BRWD3: variants seen among roughly 807,000 people sequenced by gnomAD.
The protein encoded by BRWD3 is bromodomain and WD repeat domain containing 3.
In BRWD3, 10 loss-of-function variants were observed where a neutral mutation model predicts 149.7. The observed-to-expected ratio is 0.07, with a 90% CI of 0.04 to 0.11. The LOEUF is 0.11. Ranked by LOEUF, BRWD3 falls within the 10% of genes least tolerant of loss-of-function variation. BRWD3 has a pLI of 1.00. For synonymous variants in BRWD3, 504 were observed against 456.7 expected (o/e 1.10, Z -1.32); for missense variants, 940 against 1,373.2 (o/e 0.68, Z 4.99).
chrX:80,699,880 AG>A (rs2072756834), intron 25 of BRWD3, 76 bp downstream of exon 25: 3 of 699,883 alleles, frequency 4.3e-6, no homozygotes, highest in East Asian at 3.5e-5. Context: ...CATAAAACTG[AG>A]GGGAAAAAAC....
intron 6 of BRWD3, among the ~76,000 whole-genome samples, chrX:80,778,047 G>A: frequency 9.0e-6 from 1 of 111,329 alleles, no homozygotes; most frequent in East Asian, 2.8e-4. Flanking sequence ...TTTGGCCATA[G>A]GTCAAGCTAA....
chrX:80,674,513 T>G lies in BRWD3; in HGVS notation c.*2096A>C, dbSNP rs2072347243. On this transcript the variant is annotated 3_prime_UTR_variant, in exon 41 of 41. Coordinates refer to ENST00000373275, the MANE Select transcript of BRWD3 (RefSeq NM_153252.5). The stretch of plus-strand genomic sequence containing the variant: ...ACTTAGATCAGGATAAGCCAAAGTA[T>G]TATTGATTTCAGGAATACAGGCACA... 9.0e-6 allele frequency: 1 copy of G among 111,481 alleles called. No homozygotes were observed. The highest frequency in any genetic ancestry group is 1.9e-5 in the Non-Finnish European group (1 of 53,006). The allele number at this position is 111,481 out of a possible 1,213,427, so 9.2% of individuals were successfully genotyped here.
At chrX:80,733,595 G>GTTTT in intron 11 of BRWD3, 99 bp from the exon 12 acceptor site, 1 of 482,487 alleles carries the variant, frequency 2.1e-6, no homozygotes, top group Non-Finnish European at 3.3e-6. Context: ...TCATGAAGTA[G>GTTTT]TTTTTTTTTT....
At chrX:80,702,506 A>G (rs1319788988) in intron 24 of BRWD3, among the ~76,000 whole-genome samples, 5 of 112,728 alleles carry the variant, frequency 4.4e-5, no homozygotes, top group Non-Finnish European at 7.5e-5. Context: ...ATATATGCCA[A>G]TAAAATTTTA....
intron 6 of BRWD3, among the ~76,000 whole-genome samples, chrX:80,756,233 G>A (rs184947200): frequency 5.5e-5 from 6 of 110,054 alleles, no homozygotes; most frequent in South Asian, 7.7e-4. Context: ...AAATAACGTC[G>A]GCTCATGCCT....
intron 24 of BRWD3, among the ~76,000 whole-genome samples, chrX:80,701,338 A>C (rs1032340641): frequency 9.2e-6 from 1 of 109,287 alleles, no homozygotes; most frequent in Non-Finnish European, 1.9e-5. Flanking sequence ...ACCTGAGGTC[A>C]GGAGTTCGAG....
At chrX:80,724,728 G>A (rs1235217654) in intron 15 of BRWD3, among the ~76,000 whole-genome samples, 2 of 111,421 alleles carry the variant, frequency 1.8e-5, no homozygotes, top group Non-Finnish European at 3.8e-5. Context: ...AACAGAATTT[G>A]GAAAATGCTA....
chrX:80,789,229 T>C (rs2074149063), intron 6 of BRWD3, among the ~76,000 whole-genome samples: 1 of 112,065 alleles, frequency 8.9e-6, no homozygotes, highest in African/African-American at 3.2e-5. Context: ...GCCAATCAAA[T>C]AACTTCTCTG....
chrX:80,767,036 C>T (rs1195731328), intron 6 of BRWD3, among the ~76,000 whole-genome samples: 2 of 112,650 alleles, frequency 1.8e-5, no homozygotes, highest in Non-Finnish European at 3.8e-5. Flanking sequence ...GATCGACCTG[C>T]AAGGCAGTGG....
At chrX:80,726,241 T>C (rs1409206552) in intron 14 of BRWD3, among the ~76,000 whole-genome samples, 6 of 95,552 alleles carry the variant, frequency 6.3e-5, no homozygotes, top group Non-Finnish European at 1.1e-4. Flanking sequence ...TTACATGTTA[T>C]ATGTCTGTAT....
At chrX:80,696,135 T>C (rs1258283280) in intron 26 of BRWD3, 145 bp from the exon 27 acceptor site, 13 of 493,553 alleles carry the variant, frequency 2.6e-5, no homozygotes, top group Non-Finnish European at 4.6e-5. Context: ...TACTTAAACA[T>C]CACCTTCTCT....
chrX:80,691,868 C>G lies in BRWD3; in HGVS notation c.3436G>C (p.Glu1146Gln), dbSNP rs1298235457. ...ATGCCCTGAATAACCCGTTCACATT[C>G]TTCGTCTCTGGAATGAGCCCCCCAC... ...GEWGAHSRDE[E>Q]CERVIQGINH... The change falls in exon 30 of 41, where the codon GAA becomes CAA. Residue 1146 changes from glutamate (E) to glutamine (Q), a missense_variant. Transcript: ENST00000373275. The G allele has an allele frequency of 8.3e-7, 1 of 1,210,830 alleles. No individual in the cohort carries two copies. The highest frequency in any genetic ancestry group is 1.1e-6 in the Non-Finnish European group (1 of 895,322).
At chrX:80,776,848 C>A (rs1390991695) in intron 6 of BRWD3, among the ~76,000 whole-genome samples, 1 of 111,166 alleles carries the variant, frequency 9.0e-6, no homozygotes, top group Admixed American at 9.6e-5. Context: ...TCCAATTTGC[C>A]TCAGTTAACA....
At chrX:80,711,615 ACT>A (rs1245186276) in intron 20 of BRWD3, among the ~76,000 whole-genome samples, 1 of 110,932 alleles carries the variant, frequency 9.0e-6, no homozygotes, top group African/African-American at 3.3e-5. Context: ...TTTGCAACCT[ACT>A]CTCTGTGAAA....
At chrX:80,697,000 A>G (rs1216777812) in intron 25 of BRWD3, 137 bp from the exon 26 acceptor site, 10 of 632,299 alleles carry the variant, frequency 1.6e-5, no homozygotes, top group Non-Finnish European at 2.4e-5. Context: ...GTTAAAGGTA[A>G]TAAGATATGG....
chrX:80,684,339 T>C (rs1441380115), intron 36 of BRWD3, among the ~76,000 whole-genome samples, 177 bp from the exon 37 acceptor site: 1 of 111,556 alleles, frequency 9.0e-6, no homozygotes, highest in Non-Finnish European at 1.9e-5. Flanking sequence ...ACAGCATAAG[T>C]CTGTGGGAAA....
intron 6 of BRWD3, among the ~76,000 whole-genome samples, chrX:80,784,184 A>C (rs1373870852): frequency 9.0e-6 from 1 of 111,285 alleles, no homozygotes; most frequent in Non-Finnish European, 1.9e-5. Flanking sequence ...AATATCTCAC[A>C]TACCCAACAA....
intron 8 of BRWD3, among the ~76,000 whole-genome samples, chrX:80,743,003 G>T (rs768313792): frequency 9.0e-6 from 1 of 111,658 alleles, no homozygotes; most frequent in South Asian, 3.8e-4. Flanking sequence ...TCCAGTTTTT[G>T]TCCATTCAGT....
intron 24 of BRWD3, among the ~76,000 whole-genome samples, chrX:80,701,335 G>A (rs959428858): frequency 1.8e-5 from 2 of 109,025 alleles, no homozygotes; most frequent in African/African-American, 6.7e-5. Flanking sequence ...ATCACCTGAG[G>A]TCAGGAGTTC....
Sources: allele counts gnomAD v4.1 joint callset (sites outside exome capture counted in the v4.1 genomes callset), GRCh38; gene constraint gnomAD v4.1.1; transcripts MANE v1.5; gene names NCBI Gene and HGNC (gene_info 2026-07-23, HGNC 2026-07-21).